Variants in ARHGAP44 observed in about 807,000 individuals in gnomAD.
The protein encoded by ARHGAP44 is rho GTPase-activating protein 44.
Under a neutral mutation model 106.8 loss-of-function variants are expected in ARHGAP44, and 43 were observed. That is an observed-to-expected ratio of 0.40 (90% CI 0.32 to 0.52). ARHGAP44 has a LOEUF of 0.52. Ranked by LOEUF, ARHGAP44 falls within the 20% of genes least tolerant of loss-of-function variation. ARHGAP44 has a pLI of 0.48. For missense variants in ARHGAP44, 866 were observed against 1,050.5 expected, an observed-to-expected ratio of 0.82 and a Z score of 2.43; for synonymous variants, 439 against 410.3, an observed-to-expected ratio of 1.07 and a Z score of -0.85.
chr17:12,920,103 G>A lies in ARHGAP44; in HGVS notation c.464+272G>A, dbSNP rs146222258. Among the ~76,000 whole-genome samples, 94 of 152,232 alleles carry A rather than the reference G, an allele frequency of 6.2e-4. 1 individual carries two copies. The East Asian group carries it at 0.017, about 27-fold the overall frequency. On this transcript the variant is annotated intron_variant, in intron 6 of 20. Transcript: ENST00000379672. ...TGTCATATAAAAAATGTGGCCGGGT[G>A]CAGTGGCTCACACCTGTAACCCAGC...
Position 12,841,921 on chromosome 17 carries a change from G to T in ARHGAP44, c.53+52030G>T, listed in dbSNP as rs1250178083. Among the ~76,000 whole-genome samples, 6 of 152,248 alleles carry T rather than the reference G, an allele frequency of 3.9e-5. No individual in the cohort carries two copies. In the East Asian group the frequency reaches 1.2e-3, roughly 29 times the overall value. On this transcript the variant is annotated intron_variant, in intron 1 of 20. Transcript: ENST00000379672. ...ATAGTTATGCAAACACGTTGAAAAA[G>T]AGCTTTCTGGTAGAAGGAATAGTAT...
intron 16 of ARHGAP44, among the ~76,000 whole-genome samples, chr17:12,967,446 C>G (rs1239517485): frequency 6.6e-6 from 1 of 151,820 alleles, no homozygotes; most frequent in Non-Finnish European, 1.5e-5. Context: ...TGTCCACGCT[C>G]CCCTCCTGCC....
intron 3 of ARHGAP44, among the ~76,000 whole-genome samples, chr17:12,900,274 C>T (rs192755051): frequency 7.2e-5 from 11 of 152,102 alleles, no homozygotes; most frequent in Non-Finnish European, 1.0e-4. Flanking sequence ...AGATTACAGA[C>T]GCCCACCTCC....
intron 4 of ARHGAP44, among the ~76,000 whole-genome samples, chr17:12,909,595 T>C (rs1178746349): frequency 6.6e-6 from 1 of 152,038 alleles, no homozygotes. Context: ...TATACACAAA[T>C]AAATAATTGC....
chr17:12,792,709 C>G (rs761109013), intron 1 of ARHGAP44, among the ~76,000 whole-genome samples: 2 of 152,126 alleles, frequency 1.3e-5, no homozygotes, highest in Non-Finnish European at 2.9e-5. Context: ...ACTTGAAAGT[C>G]CTTCCTCATG....
chr17:12,805,600 G>A (rs186451034), intron 1 of ARHGAP44, among the ~76,000 whole-genome samples: 18 of 152,074 alleles, frequency 1.2e-4, no homozygotes, highest in Admixed American at 2.6e-4. Flanking sequence ...CCATACCTAT[G>A]AATTGCATAG....
chr17:12,804,859 A>G (rs1474579820), intron 1 of ARHGAP44, among the ~76,000 whole-genome samples: 3 of 152,216 alleles, frequency 2.0e-5, no homozygotes, highest in East Asian at 1.9e-4. Flanking sequence ...GAATGTAGAC[A>G]TAGAATAGAC....
intron 4 of ARHGAP44, among the ~76,000 whole-genome samples, chr17:12,914,344 A>G (rs745441152): frequency 4.6e-4 from 70 of 152,236 alleles, no homozygotes; most frequent in Non-Finnish European, 9.1e-4. Context: ...CCAAACATGC[A>G]CAAAGAGACT....
At chr17:12,814,989 C>T (rs186021785) in intron 1 of ARHGAP44, among the ~76,000 whole-genome samples, 135 of 152,256 alleles carry the variant, frequency 8.9e-4, no homozygotes, top group South Asian at 1.5e-3. Flanking sequence ...CTCTCCTCAC[C>T]TTCTCCCACC....
chr17:12,793,187 C>G (rs934569042), intron 1 of ARHGAP44, among the ~76,000 whole-genome samples: 2 of 152,128 alleles, frequency 1.3e-5, no homozygotes, highest in Admixed American at 1.3e-4. Context: ...ATGTGGTAAC[C>G]ACAGTGATAA....
intron 1 of ARHGAP44, among the ~76,000 whole-genome samples, chr17:12,817,436 CAA>C (rs2034630791): frequency 6.6e-6 from 1 of 151,596 alleles, no homozygotes; most frequent in African/African-American, 2.4e-5. Context: ...AGAATGGTCT[CAA>C]ATCAGTAATA....
chr17:12,861,581 A>T (rs1192445205), intron 1 of ARHGAP44, among the ~76,000 whole-genome samples: 1 of 148,722 alleles, frequency 6.7e-6, no homozygotes, highest in African/African-American at 2.5e-5. Context: ...TCCTCATACC[A>T]CATCGCTCTG....
chr17:12,837,604 T>G (rs1366879440), intron 1 of ARHGAP44, among the ~76,000 whole-genome samples: 1 of 141,160 alleles, frequency 7.1e-6, no homozygotes, highest in Admixed American at 7.1e-5. Flanking sequence ...CTGCATGTTG[T>G]TTTTTTTTTT....
chr17:12,977,658 G>A (rs556717456), intron 18 of ARHGAP44, among the ~76,000 whole-genome samples: 2 of 152,076 alleles, frequency 1.3e-5, no homozygotes, highest in African/African-American at 2.4e-5. Flanking sequence ...GCCGCCCTAC[G>A]CCCCACCTCT....
rs2034514424 is a variant in ARHGAP44, at chr17:12,813,900, T to TC, written c.53+24011dup. 2.0e-5 allele frequency among the ~76,000 whole-genome samples: 3 copies of TC among 152,188 alleles called. No homozygotes were observed. In the South Asian group the frequency reaches 6.2e-4, roughly 32 times the overall value. Reference sequence around the variant, plus strand: ...CAGTGTGGAACTGGGACACACGTAGTCCAACTGTCTGCCGTCGTGACTCAT... The same window carrying TC: ...CAGTGTGGAACTGGGACACACGTAGTCCCAACTGTCTGCCGTCGTGACTCAT... On this transcript the variant is annotated intron_variant, in intron 1 of 20. Coordinates refer to ENST00000379672, the MANE Select transcript of ARHGAP44 (RefSeq NM_014859.6).
In ARHGAP44 at chr17:12,958,965, A is replaced by C. The variant is rs1307022389; in HGVS notation, c.1523+68A>C. On this transcript the variant is annotated intron_variant, in intron 16 of 20. Coordinates refer to ENST00000379672, the MANE Select transcript of ARHGAP44 (RefSeq NM_014859.6). The surrounding 1 kb of genome is among the most constrained non-coding windows in gnomAD (Gnocchi z 4.1). ...GGTGGTGGGGGTGGATGGGTGACGC[A>C]TAAGAAAAATACAATTACGGGAAGG... The C allele has an allele frequency of 6.6e-7, 1 of 1,520,584 alleles. No homozygotes were observed. Among genetic ancestry groups the C allele is most frequent in the South Asian group, 1.2e-5 (1 of 83,216 alleles). 94.2% of individuals were successfully genotyped at this position (1,520,584 alleles called of 1,614,324 possible).
chr17:12,861,402 G>C (rs2036068991), intron 1 of ARHGAP44, among the ~76,000 whole-genome samples: 1 of 152,092 alleles, frequency 6.6e-6, no homozygotes, highest in South Asian at 2.1e-4. Context: ...GTCTGGCACA[G>C]GTCTTAACTG....
intron 1 of ARHGAP44, among the ~76,000 whole-genome samples, chr17:12,862,575 C>T (rs2036117789): frequency 6.6e-6 from 1 of 152,204 alleles, no homozygotes; most frequent in South Asian, 2.1e-4. Flanking sequence ...GGATCATAAT[C>T]TTTCAGGTTC....
At chr17:12,886,323 G>A (rs201151649) in intron 1 of ARHGAP44, among the ~76,000 whole-genome samples, 2 of 151,796 alleles carry the variant, frequency 1.3e-5, no homozygotes, top group African/African-American at 4.8e-5. Context: ...TTGTACTTTC[G>A]TATCAATTTT....
Sources: allele counts gnomAD v4.1 joint callset (sites outside exome capture counted in the v4.1 genomes callset), GRCh38; gene constraint gnomAD v4.1.1; non-coding constraint Gnocchi (gnomAD v3.1); transcripts MANE v1.5; gene names NCBI Gene and HGNC (gene_info 2026-07-23, HGNC 2026-07-21).